The following VPS54 variants were observed in gnomAD, a reference collection of about 807,000 sequenced individuals.
VPS54 encodes the protein vacuolar protein sorting-associated protein 54.
Under a neutral mutation model 121.5 loss-of-function variants are expected in VPS54, and 45 were observed. That is an observed-to-expected ratio of 0.37 (90% confidence interval 0.29 to 0.47). The LOEUF (loss-of-function observed/expected upper bound fraction) is 0.47, where lower values mean the gene tolerates loss of function less well. Ranked by LOEUF, VPS54 falls within the 20% of genes least tolerant of loss-of-function variation. The pLI is 0.99. For synonymous variants in VPS54, 371 were observed against 385.8 expected (o/e 0.96, Z 0.45); for missense variants, 1,090 against 1,131.4 (o/e 0.96, Z 0.52).
chr2:63,993,758 T>C (rs929147701), intron 1 of VPS54, among the ~76,000 whole-genome samples: 2 of 152,226 alleles, frequency 1.3e-5, no homozygotes, highest in Non-Finnish European at 2.9e-5. Flanking sequence ...AAAAATGACT[T>C]CTTGGGTGGT....
chr2:63,900,660 G>A (rs1420594159), intron 20 of VPS54, among the ~76,000 whole-genome samples: 3 of 152,142 alleles, frequency 2.0e-5, no homozygotes, highest in African/African-American at 4.8e-5. Context: ...ATGGCTTCCC[G>A]AGCTGCCCAC....
intron 1 of VPS54, among the ~76,000 whole-genome samples, chr2:63,989,986 G>A (rs771074144): frequency 5.3e-5 from 8 of 152,220 alleles, no homozygotes; most frequent in South Asian, 2.1e-4. Flanking sequence ...GTATGGGATC[G>A]TGTTGGTGCA....
At chr2:63,940,696 C>T (rs1300111770) in intron 11 of VPS54, among the ~76,000 whole-genome samples, 1 of 152,086 alleles carries the variant, frequency 6.6e-6, no homozygotes, top group African/African-American at 2.4e-5. Flanking sequence ...TTTCCAAGAC[C>T]TATCCATAAC....
rs1427845767 is a variant in VPS54 at position 63,962,322 on chromosome 2, G to T, written c.746C>A (p.Ser249Tyr). 2 of 1,613,902 alleles carry T rather than the reference G, an allele frequency of 1.2e-6. No individual in the cohort carries two copies. Among genetic ancestry groups the T allele is most frequent in the African/African-American group, 1.3e-5 (1 of 74,914 alleles). The part of the protein sequence containing the change: ...HELQDYLRKT[S>Y]QAVKMLRDKI... ...ATCTCGAAGCATTTTTACAGCCTGG[G>T]AAGTTTTCCTGAGGTAGTCCTGCAA... Residue 249 changes from serine to tyrosine, a missense_variant, in exon 7 of 23, where the codon TCC (serine) becomes TAC (tyrosine). Transcript: ENST00000272322.
At chr2:63,972,102 TAA>T (rs2104587270) in intron 4 of VPS54, 62 bp downstream of exon 4, 1 of 1,116,920 alleles carries the variant, frequency 9.0e-7, no homozygotes, top group East Asian at 2.7e-5. Flanking sequence ...GGTCCCAAAA[TAA>T]AGATTTTGTT....
chr2:63,995,123 G>A (rs1449857004), intron 1 of VPS54, among the ~76,000 whole-genome samples: 1 of 152,136 alleles, frequency 6.6e-6, no homozygotes, highest in African/African-American at 2.4e-5. Context: ...AGTATGGGAA[G>A]GGGAAACTAT....
intron 7 of VPS54, among the ~76,000 whole-genome samples, chr2:63,951,875 A>G (rs1008434531): frequency 8.5e-5 from 13 of 152,188 alleles, no homozygotes; most frequent in African/African-American, 2.9e-4. Context: ...GTGTACCTTT[A>G]GCCTCCAAAT....
At chr2:63,992,303 T>TAGTA (rs1373642695) in intron 1 of VPS54, among the ~76,000 whole-genome samples, 1 of 152,240 alleles carries the variant, frequency 6.6e-6, no homozygotes, top group Non-Finnish European at 1.5e-5. Flanking sequence ...GAAAAAAGTT[T>TAGTA]GAGGGTTTAG....
intron 1 of VPS54, among the ~76,000 whole-genome samples, chr2:63,986,139 T>C (rs1439721815): frequency 3.9e-5 from 6 of 152,232 alleles, no homozygotes; most frequent in African/African-American, 1.4e-4. Flanking sequence ...AATTATACTT[T>C]TAGTTATTTT....
chr2:64,017,370 A>T (rs1044313266), intron 1 of VPS54, among the ~76,000 whole-genome samples: 2 of 151,710 alleles, frequency 1.3e-5, no homozygotes, highest in African/African-American at 4.8e-5. Context: ...AAAAAAAAAG[A>T]GTGTGATGAA....
At chr2:63,985,814 T>C (rs1677025112) in intron 1 of VPS54, among the ~76,000 whole-genome samples, 1 of 152,162 alleles carries the variant, frequency 6.6e-6, no homozygotes, top group Non-Finnish European at 1.5e-5. Flanking sequence ...TTTGGGAAAA[T>C]TAAGAGTCTT....
In VPS54 at chr2:63,998,388, G is replaced by A. The variant is rs190178835; in HGVS notation, c.-20-14369C>T. On this transcript the variant is annotated intron_variant, in intron 1 of 22. Transcript: ENST00000272322. ...CCTCTTTATGTCTTGTGATTGGAGA[G>A]TTAGTCAACTTACATTCAATATTAT... 2.5e-4 allele frequency among the ~76,000 whole-genome samples: 38 copies of A among 152,248 alleles called. No homozygotes were observed. In the East Asian group the frequency reaches 7.3e-3, roughly 29 times the overall value.
intron 12 of VPS54, among the ~76,000 whole-genome samples, chr2:63,925,526 G>A (rs1313276908): frequency 1.3e-5 from 2 of 152,170 alleles, no homozygotes; most frequent in Non-Finnish European, 2.9e-5. Flanking sequence ...CAACAGCAAT[G>A]CTTGTAACAT....
chr2:63,977,149 G>A (rs936972935), intron 3 of VPS54, among the ~76,000 whole-genome samples: 2 of 151,958 alleles, frequency 1.3e-5, no homozygotes, highest in Non-Finnish European at 2.9e-5. Context: ...TCTTAATCTA[G>A]CTAAATGTTT....
chr2:63,943,364 T>G (rs1317130015), intron 10 of VPS54, among the ~76,000 whole-genome samples: 2 of 152,218 alleles, frequency 1.3e-5, no homozygotes, highest in Non-Finnish European at 2.9e-5. Context: ...ATACAGGAAG[T>G]TCTCTACTTC....
chr2:63,965,697 TG>T, intron 6 of VPS54, 137 bp downstream of exon 6: 1 of 1,214,556 alleles, frequency 8.2e-7, no homozygotes, highest in Non-Finnish European at 1.1e-6. Context: ...CAGTTAAGAT[TG>T]GGAGGCTTAT....
intron 5 of VPS54, 105 bp downstream of exon 5, chr2:63,968,852 A>G: frequency 1.1e-6 from 1 of 922,800 alleles, no homozygotes; most frequent in Non-Finnish European, 1.7e-6. Context: ...GAGACAAAGT[A>G]GCCAAAGGGT....
At chr2:63,989,154 C>A (rs1677196484) in intron 1 of VPS54, among the ~76,000 whole-genome samples, 1 of 152,150 alleles carries the variant, frequency 6.6e-6, no homozygotes, top group Non-Finnish European at 1.5e-5. Flanking sequence ...GACCGGCTAT[C>A]TTCTCTCAAA....
Position 63,949,183 on chromosome 2 carries a change from T to C in VPS54, c.1011-20A>G, listed in dbSNP as rs1330040864. ...AAATGCCTAAAAAGGAAGAGAAAAA[T>C]GTTATATTTATATTCACTAAAAACT... On this transcript the variant is annotated intron_variant, in intron 7 of 22. Transcript: ENST00000272322. 6.3e-7 allele frequency: 1 copy of C among 1,596,908 alleles called. No homozygotes were observed. Among genetic ancestry groups the C allele is most frequent in the East Asian group, 2.2e-5 (1 of 44,632 alleles).
Sources: gnomAD v4.1 joint callset for allele counts (sites outside exome capture counted in the v4.1 genomes callset) on GRCh38, gnomAD v4.1.1 for gene constraint, MANE v1.5 for transcripts, NCBI Gene and HGNC (gene_info 2026-07-23, HGNC 2026-07-21) for gene names.